Variants in MKLN1 observed in about 807,000 individuals in gnomAD.
The protein encoded by MKLN1 is muskelin 1.
In MKLN1, 18 loss-of-function variants were observed where a neutral mutation model predicts 99.0. The observed-to-expected ratio is 0.18, with a 90% CI of 0.13 to 0.27. The LOEUF (loss-of-function observed/expected upper bound fraction) is 0.27, where lower values mean the gene tolerates loss of function less well. Ranked by LOEUF, MKLN1 falls within the 10% of genes least tolerant of loss-of-function variation. The pLI is 1.00. For synonymous variants in MKLN1, 288 were observed against 293.2 expected (o/e 0.98, Z 0.18); for missense variants, 621 against 875.9 (o/e 0.71, Z 3.67).
intron 12 of MKLN1, among the ~76,000 whole-genome samples, chr7:131,459,732 C>T (rs1015058551): frequency 6.6e-6 from 1 of 151,314 alleles, no homozygotes; most frequent in Non-Finnish European, 1.5e-5. Context: ...ATCTACATGC[C>T]ATCTTTTTAA....
intron 3 of MKLN1, among the ~76,000 whole-genome samples, chr7:131,315,855 C>T (rs1798658031): frequency 6.6e-6 from 1 of 152,222 alleles, no homozygotes; most frequent in Non-Finnish European, 1.5e-5. Context: ...GATTCCTCCT[C>T]ACTGGGCAGG....
chr7:131,353,088 A>T lies in MKLN1; in HGVS notation c.99-22336A>T, dbSNP rs367881564. 5.9e-5 allele frequency among the ~76,000 whole-genome samples: 9 copies of T among 152,288 alleles called. No individual in the cohort carries two copies. The East Asian group carries it at 1.3e-3, about 23-fold the overall frequency. Reference sequence around the variant, plus strand: ...GAAGCTACTATAAACATTGGAGTACAGGTTTTTGTTTGAACATAGGTTTTT... The same window carrying T: ...GAAGCTACTATAAACATTGGAGTACTGGTTTTTGTTTGAACATAGGTTTTT... On this transcript the variant is annotated intron_variant, in intron 1 of 17. Transcript: ENST00000352689.
chr7:131,267,777 A>G (rs1797830566), intron 3 of MKLN1, among the ~76,000 whole-genome samples: 1 of 152,230 alleles, frequency 6.6e-6, no homozygotes, highest in Non-Finnish European at 1.5e-5. Context: ...AGGCTACTTG[A>G]AGAAAGACTT....
At chr7:131,471,601 G>A (rs1406687229) in intron 16 of MKLN1, 1 of 152,182 alleles carries the variant, frequency 6.6e-6, no homozygotes, top group Non-Finnish European at 1.5e-5. Flanking sequence ...GAAAATGCCT[G>A]CAATGATTTT....
chr7:131,417,286 T>A (rs1182469789), intron 8 of MKLN1, among the ~76,000 whole-genome samples: 1 of 152,170 alleles, frequency 6.6e-6, no homozygotes, highest in African/African-American at 2.4e-5. Context: ...CCAAAGAAAA[T>A]CTGGGGAATT....
rs899763996 is a variant in MKLN1, at chr7:131,496,274, G to C, written c.*8546G>C. On this transcript the variant is annotated 3_prime_UTR_variant, in exon 18 of 18. Transcript: ENST00000352689. ...GAAATCATGGGACTCTGGAAAGCTG[G>C]CATGAGCTGGTTGGAGCTTTTAAAC... The C allele has an allele frequency of 6.6e-6, 1 of 152,064 alleles. No individual in the cohort carries two copies. The highest frequency in any genetic ancestry group is 2.4e-5 in the African/African-American group (1 of 41,326). The allele number at this position is 152,064 out of a possible 1,614,324, so 9.4% of individuals were successfully genotyped here.
rs188542477 is a variant in MKLN1, at chr7:131,143,323, T to G, written c.-297+382T>G. Among the ~76,000 whole-genome samples the G allele has an allele frequency of 1.4e-3, 215 of 152,198 alleles. 1 individual carries two copies. The highest frequency in any genetic ancestry group is 5.1e-3 in the African/African-American group (210 of 41,540). ...CTCTACTAAAAATACAAAAAATTGC[T>G]GGGCATGGTGGCAGGTGCCTGTAAT... On this transcript the variant is annotated intron_variant, in intron 2 of 7. Transcript: ENST00000416992.
At chr7:131,233,407 A>AAT (rs1458035487) in intron 3 of MKLN1, among the ~76,000 whole-genome samples, 1 of 144,546 alleles carries the variant, frequency 6.9e-6, no homozygotes, top group African/African-American at 2.6e-5. Context: ...TAAATAAATA[A>AAT]AAATAAAGTT....
chr7:131,395,593 CT>C (rs1278604673), intron 4 of MKLN1, among the ~76,000 whole-genome samples: 7 of 151,406 alleles, frequency 4.6e-5, no homozygotes, highest in Non-Finnish European at 2.9e-5. Context: ...TACCAAGGTG[CT>C]AGCAGTTTTA....
chr7:131,425,379 G>A (rs1337819357), intron 8 of MKLN1, among the ~76,000 whole-genome samples: 2 of 151,888 alleles, frequency 1.3e-5, no homozygotes, highest in African/African-American at 4.8e-5. Context: ...AGTCCCCTCA[G>A]CCAGATATAC....
chr7:131,474,121 G>A (rs575395734), intron 16 of MKLN1, among the ~76,000 whole-genome samples: 3 of 152,210 alleles, frequency 2.0e-5, no homozygotes, highest in Non-Finnish European at 4.4e-5. Flanking sequence ...CAGCACTCCA[G>A]CCTGGGCAAC....
At chr7:131,477,922 A>AT (rs1404854464) in intron 16 of MKLN1, among the ~76,000 whole-genome samples, 4 of 152,144 alleles carry the variant, frequency 2.6e-5, no homozygotes, top group Non-Finnish European at 5.9e-5. Context: ...AGTTCTCCAG[A>AT]TTTTTTATTT....
chr7:131,388,200 G>A (rs576115005), intron 3 of MKLN1, among the ~76,000 whole-genome samples: 2 of 151,866 alleles, frequency 1.3e-5, no homozygotes, highest in South Asian at 4.2e-4. Context: ...CAATATATTT[G>A]TGACATGGTA....
chr7:131,130,317 T>C (rs1192775627), intron 1 of MKLN1, among the ~76,000 whole-genome samples: 1 of 152,254 alleles, frequency 6.6e-6, no homozygotes, highest in Non-Finnish European at 1.5e-5. Context: ...TTCCAGAACC[T>C]ACAGCCTGAT....
At chr7:131,134,066 T>C (rs945458358) in intron 1 of MKLN1, among the ~76,000 whole-genome samples, 1 of 150,168 alleles carries the variant, frequency 6.7e-6, no homozygotes, top group South Asian at 2.1e-4. Flanking sequence ...CTGACCTCAG[T>C]TGATCCACCT....
At chr7:131,381,745 A>G (rs1018841093) in intron 2 of MKLN1, among the ~76,000 whole-genome samples, 1 of 152,206 alleles carries the variant, frequency 6.6e-6, no homozygotes, top group South Asian at 2.1e-4. Context: ...ATAACTTTTT[A>G]AAAGAAAATA....
At chr7:131,385,355 T>C (rs1793979881) in intron 2 of MKLN1, among the ~76,000 whole-genome samples, 1 of 151,828 alleles carries the variant, frequency 6.6e-6, no homozygotes, top group East Asian at 1.9e-4. Context: ...TTTTTTTTTT[T>C]CCTCATTTCA....
Position 131,495,674 on chromosome 7 carries a change from C to CACCCTT in MKLN1, c.*7948_*7953dup, listed in dbSNP as rs1435767211. 1 of 152,134 alleles carries CACCCTT rather than the reference C, an allele frequency of 6.6e-6. No homozygotes were observed. The highest frequency in any genetic ancestry group is 1.5e-5 in the Non-Finnish European group (1 of 68,026). The allele number at this position is 152,134 out of a possible 1,614,324, so 9.4% of individuals were successfully genotyped here. On this transcript the variant is annotated 3_prime_UTR_variant, in exon 18 of 18. Transcript: ENST00000352689. ...ACCAGGCTGGAAGCATATGTCCCCC[C>CACCCTT]ACCCTTATTTATATTCCTTTGAGCA...
At chr7:131,341,212 T>G (rs1004870841) in intron 1 of MKLN1, among the ~76,000 whole-genome samples, 1 of 152,174 alleles carries the variant, frequency 6.6e-6, no homozygotes. Flanking sequence ...GTAATTTATG[T>G]ACCATACGGT....
Sources: allele counts gnomAD v4.1 joint callset (sites outside exome capture counted in the v4.1 genomes callset), GRCh38; gene constraint gnomAD v4.1.1; transcripts MANE v1.5; gene names NCBI Gene and HGNC (gene_info 2026-07-23, HGNC 2026-07-21).